Variants in CLCN5 observed in about 807,000 individuals in gnomAD.
CLCN5 encodes Cl-/H+ antiporter 5.
CLCN5 carries 17 observed loss-of-function variants against 54.0 expected under a neutral mutation model. The observed-to-expected ratio is 0.31, with a 90% confidence interval of 0.22 to 0.47. The LOEUF (loss-of-function observed/expected upper bound fraction) is 0.47. Ranked by LOEUF, CLCN5 falls within the 20% of genes least tolerant of loss-of-function variation. The pLI, the probability that CLCN5 is intolerant of heterozygous loss-of-function variation, is 1.00. For synonymous variants in CLCN5, 222 were observed against 233.0 expected, an observed-to-expected ratio of 0.95 and a Z score of 0.43; for missense variants, 448 against 646.7, an observed-to-expected ratio of 0.69 and a Z score of 3.33.
At position 50,090,310 on chromosome X, in the gene CLCN5, G is replaced by A. The variant is rs1557194558; in HGVS notation, c.1939G>A (p.Ala647Thr). Residue 647 changes from alanine to threonine, a missense_variant, in exon 13 of 15, where the codon GCT (alanine) becomes ACT (threonine). Ala to Thr is a moderately conservative substitution (Grantham distance 58, BLOSUM62 0). Around this residue, in one of 5 missense-constraint regions of CLCN5, gnomAD observed 297 missense variants for 470.4 expected, o/e 0.63. Coordinates refer to ENST00000376091, the MANE Select transcript of CLCN5 (RefSeq NM_001127898.4). ...YPFLEAKEEFAHKTLAMDVMK... is the reference protein window; with the variant it reads ...YPFLEAKEEFTHKTLAMDVMK... ...CTTTCTTGAAGCCAAAGAAGAGTTT[G>A]CTCATAAGACCCTGGCAATGGATGT... 2 of 1,211,250 alleles carry A rather than the reference G, an allele frequency of 1.7e-6. No individual in the cohort carries two copies. Among genetic ancestry groups the A allele is most frequent in the South Asian group, 3.5e-5 (2 of 56,945 alleles).
chrX:50,069,323 TA>T (rs1933145084), intron 4 of CLCN5, among the ~76,000 whole-genome samples: 1 of 111,455 alleles, frequency 9.0e-6, no homozygotes, highest in African/African-American at 3.3e-5. Flanking sequence ...CTGACATACT[TA>T]GAGTTCCTAC....
chrX:50,019,195 C>G (rs1930939798), intron 3 of CLCN5, among the ~76,000 whole-genome samples: 1 of 111,313 alleles, frequency 9.0e-6, no homozygotes, highest in African/African-American at 3.3e-5. Flanking sequence ...GAGAATTGAT[C>G]CATTTCATCT....
rs1934321744 is a variant in CLCN5 at position 50,098,237 on chromosome X, CTT to C, written c.*6021_*6022del. 1 of 112,684 alleles carries C rather than the reference CTT, an allele frequency of 8.9e-6. No individual in the cohort carries two copies. Among genetic ancestry groups the C allele is most frequent in the Non-Finnish European group, 1.9e-5 (1 of 53,284 alleles). 9.3% of individuals were successfully genotyped at this position (112,684 alleles called of 1,213,427 possible). ...GTTTAATATTTTGTTCTCTTAAACT[CTT>C]TTGAAGCTATGCTGCTAACCAGGTA... On this transcript the variant is annotated 3_prime_UTR_variant, in exon 15 of 15. Transcript: ENST00000376091.
intron 4 of CLCN5, chrX:50,067,554 T>C (rs1179302824): frequency 1.3e-6 from 1 of 748,093 alleles, no homozygotes; most frequent in Non-Finnish European, 1.6e-6. Flanking sequence ...ACTCCAACAG[T>C]GACATCACAT....
chrX:49,941,920 CTTTTTTTTTTTT>C (rs782574821), intron 3 of CLCN5, among the ~76,000 whole-genome samples: 1 of 60,568 alleles, frequency 1.7e-5, no homozygotes, highest in Admixed American at 1.9e-4. Context: ...CAATCAGTAT[CTTTTTTTTTTTT>C]TTTTTTTTTT....
chrX:49,972,401 C>T (rs782279574), intron 3 of CLCN5, among the ~76,000 whole-genome samples: 15 of 111,129 alleles, frequency 1.3e-4, no homozygotes, highest in African/African-American at 4.6e-4. Context: ...AATATTAGTA[C>T]AATGGTACAT....
At chrX:50,048,313 C>T (rs1449150621) in intron 4 of CLCN5, among the ~76,000 whole-genome samples, 4 of 112,713 alleles carry the variant, frequency 3.5e-5, no homozygotes, top group Non-Finnish European at 5.6e-5. Flanking sequence ...TCCTGCTACG[C>T]GGACTGGTTC....
intron 3 of CLCN5, among the ~76,000 whole-genome samples, chrX:49,992,104 T>C (rs189836737): frequency 3.6e-4 from 40 of 110,908 alleles, no homozygotes; most frequent in African/African-American, 1.3e-3. Flanking sequence ...TTGTGGTTAG[T>C]GGTAAATTTA....
chrX:49,960,689 T>G (rs1601980269), intron 3 of CLCN5, among the ~76,000 whole-genome samples: 1 of 110,633 alleles, frequency 9.0e-6, no homozygotes, highest in Admixed American at 9.6e-5. Context: ...TATCCCCTGA[T>G]GCATCTTTTA....
intron 3 of CLCN5, among the ~76,000 whole-genome samples, chrX:50,006,731 G>C (rs1287211981): frequency 9.0e-6 from 1 of 111,524 alleles, no homozygotes; most frequent in Admixed American, 9.5e-5. Flanking sequence ...GATTCAGATG[G>C]GGTGAGCCTT....
chrX:50,033,037 G>A (rs1298729228), intron 3 of CLCN5, among the ~76,000 whole-genome samples: 1 of 110,857 alleles, frequency 9.0e-6, no homozygotes, highest in East Asian at 2.8e-4. Context: ...TTGTAGATAT[G>A]CGGCGTTATT....
intron 4 of CLCN5, among the ~76,000 whole-genome samples, chrX:50,061,216 G>A (rs1182126910): frequency 2.5e-5 from 1 of 39,577 alleles, no homozygotes; most frequent in Non-Finnish European, 4.1e-5. Flanking sequence ...TCTGAGCTAC[G>A]GGAGGACATT....
chrX:50,080,188 A>G (rs1933630086), intron 7 of CLCN5, among the ~76,000 whole-genome samples: 1 of 111,752 alleles, frequency 8.9e-6, no homozygotes, highest in Admixed American at 9.5e-5. Context: ...TCTTCACTTC[A>G]GATGTGAAGC....
intron 3 of CLCN5, among the ~76,000 whole-genome samples, chrX:49,956,669 A>G (rs1287169973): frequency 8.9e-6 from 1 of 111,912 alleles, no homozygotes; most frequent in African/African-American, 3.3e-5. Context: ...ATGAAAGCAC[A>G]TTGTAAGCTG....
At chrX:50,028,117 T>C (rs1245882002) in intron 3 of CLCN5, among the ~76,000 whole-genome samples, 1 of 112,076 alleles carries the variant, frequency 8.9e-6, no homozygotes, top group African/African-American at 3.2e-5. Context: ...CCCTCAGTTA[T>C]GACTTTGAAA....
chrX:49,945,143 A>C (rs1030397609), intron 3 of CLCN5, among the ~76,000 whole-genome samples: 1 of 111,972 alleles, frequency 8.9e-6, no homozygotes, highest in African/African-American at 3.3e-5. Context: ...CTAATTCCTT[A>C]AGTAGAGTCA....
chrX:50,016,889 A>G (rs1225849796), intron 3 of CLCN5, among the ~76,000 whole-genome samples: 3 of 111,025 alleles, frequency 2.7e-5, no homozygotes, highest in African/African-American at 6.5e-5. Flanking sequence ...AAGGCTCCTC[A>G]TATCTTTTCA....
rs1466864477 is a variant in CLCN5, at chrX:50,092,470, A to G, written c.*251A>G. On this transcript the variant is annotated 3_prime_UTR_variant, in exon 15 of 15. Coordinates refer to ENST00000376091, the MANE Select transcript of CLCN5 (RefSeq NM_001127898.4). ...TCATGAAAGAATAAATAAGATTGCT[A>G]TGGTTTAATTATATTTGCTTTTTAA... 2 of 362,403 alleles carry G rather than the reference A, an allele frequency of 5.5e-6. No individual in the cohort carries two copies. Among genetic ancestry groups the G allele is most frequent in the Non-Finnish European group, 4.8e-6 (1 of 207,251 alleles). 29.9% of individuals were successfully genotyped at this position (362,403 alleles called of 1,213,427 possible). A position where few individuals can be genotyped will look rare whatever the true frequency, so the allele number is the denominator to read the frequency against.
intron 3 of CLCN5, among the ~76,000 whole-genome samples, chrX:49,955,805 T>C (rs782747027): frequency 8.9e-6 from 1 of 111,933 alleles, no homozygotes; most frequent in Non-Finnish European, 1.9e-5. Flanking sequence ...TAATTAAAAC[T>C]GTCGAACTGT....
Sources: gnomAD v4.1 joint callset for allele counts (sites outside exome capture counted in the v4.1 genomes callset) on GRCh38, gnomAD v4.1.1 for gene constraint, gnomAD v4.1.1 regional missense constraint, MANE v1.5 for transcripts, NCBI Gene and HGNC (gene_info 2026-07-23, HGNC 2026-07-21) for gene names.